AZI2: variants seen among roughly 807,000 people sequenced by gnomAD.
AZI2 encodes 5-azacytidine-induced protein 2.
Under a neutral mutation model 45.8 loss-of-function variants are expected in AZI2, and 22 were observed. The ratio of observed to expected loss-of-function variants is 0.48; its 90% confidence interval spans 0.34 to 0.69. The LOEUF (loss-of-function observed/expected upper bound fraction) is 0.69. AZI2 is among the 30% of genes least tolerant of loss of function. AZI2 has a pLI of 0.01. For synonymous variants in AZI2, 137 were observed against 156.7 expected, an observed-to-expected ratio of 0.87 and a Z score of 0.94; for missense variants, 417 against 441.5, an observed-to-expected ratio of 0.94 and a Z score of 0.50.
intron 1 of AZI2, among the ~76,000 whole-genome samples, chr3:28,340,898 A>G (rs1310880260): frequency 6.6e-6 from 1 of 152,028 alleles, no homozygotes; most frequent in African/African-American, 2.4e-5. Flanking sequence ...ACTTAAAACC[A>G]TAATTATTAG....
intron 6 of AZI2, chr3:28,331,724 A>C (rs1162811020): frequency 7.2e-7 from 1 of 1,381,616 alleles, no homozygotes; most frequent in Non-Finnish European, 9.4e-7. Flanking sequence ...GGAGGGTAAC[A>C]ATGTAGAGAG....
At chr3:28,331,876 G>T (rs970625081) in intron 6 of AZI2, 2 of 1,547,710 alleles carry the variant, frequency 1.3e-6, no homozygotes, top group Non-Finnish European at 1.7e-6. Flanking sequence ...ATTCTTATGC[G>T]AAGAGGGAAC....
intron 7 of AZI2, 49 bp from the exon 8 acceptor site, chr3:28,324,503 C>T: frequency 7.2e-7 from 1 of 1,388,982 alleles, no homozygotes; most frequent in Non-Finnish European, 9.5e-7. Flanking sequence ...CATTTGTGAT[C>T]ATAAAATTCG....
In AZI2 at chr3:28,324,065, G is replaced by T. The variant is rs1166098999; in HGVS notation, c.1156C>A (p.Gln386Lys). ...AATTAATTCTTATAAAGGCAGTTCTGATTATGTTGATCCAAGTAATGCAGT... is the reference window on the plus strand; with the variant it reads ...AATTAATTCTTATAAAGGCAGTTCTTATTATGTTGATCCAAGTAATGCAGT... Reference protein sequence around the residue: ...PPLHYLDQHNQNCLYKN With the variant: ...PPLHYLDQHNKNCLYKN The change falls in exon 8 of 8, where the codon CAG becomes AAG. Residue 386 changes from glutamine to lysine, a missense_variant. Physicochemically the swap from Gln to Lys is moderately conservative, Grantham distance 53. Transcript: ENST00000479665. 5.0e-6 allele frequency: 8 copies of T among 1,608,852 alleles called. No individual in the cohort carries two copies. The highest frequency in any genetic ancestry group is 5.9e-6 in the Non-Finnish European group (7 of 1,176,606).
At position 28,340,677 on chromosome 3, in the gene AZI2, G is replaced by A; in HGVS notation, c.-5-55C>T. ...AAATGTCTCACTGAATAAGTGAAAA[G>A]GAAAAAAAGTTATAGTTAAGAATAA... On this transcript the variant is annotated intron_variant, in intron 1 of 7. Transcript: ENST00000479665. The A allele has an allele frequency of 3.7e-6, 5 of 1,347,694 alleles. No individual in the cohort carries two copies. In the African/African-American group the frequency reaches 4.4e-5, roughly 12 times the overall value. The allele number at this position is 1,347,694 out of a possible 1,614,324, so 83.5% of individuals were successfully genotyped here.
At chr3:28,328,543 G>A (rs1703468307) in intron 6 of AZI2, among the ~76,000 whole-genome samples, 1 of 151,000 alleles carries the variant, frequency 6.6e-6, no homozygotes, top group African/African-American at 2.4e-5. Context: ...AGCTAGGCAT[G>A]GAAATAAACA....
intron 6 of AZI2, among the ~76,000 whole-genome samples, chr3:28,330,929 G>A (rs997059217): frequency 2.3e-4 from 35 of 151,292 alleles, no homozygotes; most frequent in Admixed American, 2.1e-3. Context: ...AAAGAATTGC[G>A]AGACTATACT....
At chr3:28,326,332 C>T (rs551869895) in intron 7 of AZI2, among the ~76,000 whole-genome samples, 9 of 150,950 alleles carry the variant, frequency 6.0e-5, no homozygotes, top group African/African-American at 1.9e-4. Context: ...ACCTAGTCTT[C>T]GTTGTAATCA....
At chr3:28,331,916 T>G (rs1232882104) in intron 6 of AZI2, 1 of 1,547,500 alleles carries the variant, frequency 6.5e-7, no homozygotes, top group Non-Finnish European at 8.7e-7. Flanking sequence ...ATCCCATGAT[T>G]GCGCCACTGC....
At chr3:28,334,821 T>A (rs1285356109) in intron 5 of AZI2, among the ~76,000 whole-genome samples, 1 of 151,978 alleles carries the variant, frequency 6.6e-6, no homozygotes, top group African/African-American at 2.4e-5. Context: ...TGGATTACTC[T>A]AATCAAATTT....
At chr3:28,337,109 C>T (rs992102132) in intron 4 of AZI2, 1 of 476,568 alleles carries the variant, frequency 2.1e-6, no homozygotes, top group African/African-American at 2.0e-5. Flanking sequence ...AAGACAACTA[C>T]ACTAAAATAA....
Position 28,321,327 on chromosome 3 carries a change from A to C in AZI2, c.*2715T>G, listed in dbSNP as rs1353855288. On this transcript the variant is annotated 3_prime_UTR_variant, in exon 8 of 8. Transcript: ENST00000479665. ...ACTTTAAGAAGCTAGTGAAATATAC[A>C]ATCTATTTTATAGCTTTGATTAAAA... The C allele has an allele frequency of 6.6e-6, 1 of 151,476 alleles. No individual in the cohort carries two copies. Among genetic ancestry groups the C allele is most frequent in the Non-Finnish European group, 1.5e-5 (1 of 67,580 alleles). 9.4% of individuals were successfully genotyped at this position (151,476 alleles called of 1,614,324 possible).
chr3:28,330,657 T>G (rs1052649484), intron 6 of AZI2, among the ~76,000 whole-genome samples: 1 of 151,336 alleles, frequency 6.6e-6, no homozygotes, highest in Non-Finnish European at 1.5e-5. Flanking sequence ...GCCACAAATT[T>G]GGTTATAAGT....
chr3:28,337,790 A>C (rs1165385138), intron 4 of AZI2, 147 bp downstream of exon 4: 1 of 452,832 alleles, frequency 2.2e-6, no homozygotes, highest in African/African-American at 2.0e-5. Context: ...TATTATGTGA[A>C]GGTAGAACAG....
chr3:28,340,699 A>G (rs1703980492), intron 1 of AZI2, 77 bp from the exon 2 acceptor site: 12 of 1,086,992 alleles, frequency 1.1e-5, no homozygotes, highest in Non-Finnish European at 1.5e-5. Context: ...ATAGTTAAGA[A>G]TAATGTAAAT....
rs774955270 is a variant in AZI2 at position 28,326,875 on chromosome 3, A to T, written c.723T>A (p.Ala241=). 3 of 1,608,694 alleles carry T rather than the reference A, an allele frequency of 1.9e-6. No individual in the cohort carries two copies. In the East Asian group the frequency reaches 6.7e-5, roughly 36 times the overall value. Residue 241 remains alanine, a synonymous_variant, in exon 7 of 8, where the codon GCT becomes GCA. Transcript: ENST00000479665. ...AGGTTTTCAGTTTTCTTAGTAGTTC[A>T]GCTTGTACTTGAGTCACCAGATGTA... ...SNLHLVTQVQ[A]ELLRKLKTST... is the part of the protein sequence containing the mutation.
At position 28,323,087 on chromosome 3, in the gene AZI2, A is replaced by T. The variant is rs1195453394; in HGVS notation, c.*955T>A. On this transcript the variant is annotated 3_prime_UTR_variant, in exon 8 of 8. Coordinates refer to ENST00000479665, the MANE Select transcript of AZI2 (RefSeq NM_022461.5). Reference sequence around the variant, plus strand: ...AACCCTGATTTCTATGATTAAAAATAATAATTTTAAATCACTTTCTCAATA... The same window carrying T: ...AACCCTGATTTCTATGATTAAAAATTATAATTTTAAATCACTTTCTCAATA... 1 of 151,086 alleles carries T rather than the reference A, an allele frequency of 6.6e-6. No homozygotes were observed. The highest frequency in any genetic ancestry group is 1.5e-5 in the Non-Finnish European group (1 of 67,364). The allele number at this position is 151,086 out of a possible 1,614,324, so 9.4% of individuals were successfully genotyped here.
chr3:28,338,520 A>G lies in AZI2; in HGVS notation c.312T>C (p.Asp104=), dbSNP rs755420718. 1 of 1,587,652 alleles carries G rather than the reference A, an allele frequency of 6.3e-7. No homozygotes were observed. The highest frequency in any genetic ancestry group is 2.3e-5 in the East Asian group (1 of 44,392). Residue 104 remains aspartate (D), a synonymous_variant, in exon 3 of 8, where the codon GAT becomes GAC. Transcript: ENST00000479665. ...HAYREVCIDR[D]NLKSKLDKMN... The stretch of plus-strand genomic sequence containing the variant: ...TTTTGTCCAGTTTGCTCTTCAAATT[A>G]TCTCTATCAATGCAAACCTCTCGAT...
chr3:28,341,343 T>G (rs1704010246), intron 1 of AZI2, among the ~76,000 whole-genome samples: 1 of 152,120 alleles, frequency 6.6e-6, no homozygotes, highest in Non-Finnish European at 1.5e-5. Flanking sequence ...TCTAGAAGAA[T>G]GTTAAGCTCT....
Sources: allele counts gnomAD v4.1 joint callset (sites outside exome capture counted in the v4.1 genomes callset), GRCh38; gene constraint gnomAD v4.1.1; transcripts MANE v1.5; gene names NCBI Gene and HGNC (gene_info 2026-07-23, HGNC 2026-07-21).